The following PRIMPOL variants were observed in gnomAD, a reference collection of about 807,000 sequenced individuals.
PRIMPOL encodes primase and DNA directed polymerase, also known as DNA-directed primase/polymerase protein.
PRIMPOL carries 54 observed loss-of-function variants against 63.6 expected under a neutral mutation model. The ratio of observed to expected loss-of-function variants is 0.85; its 90% CI spans 0.68 to 1.07. The LOEUF (loss-of-function observed/expected upper bound fraction) is 1.07, where lower values mean the gene tolerates loss of function less well. PRIMPOL is among the 50% of genes least tolerant of loss of function. The pLI is 0.00. For synonymous variants in PRIMPOL, 197 were observed against 220.2 expected, an observed-to-expected ratio of 0.89 and a Z score of 0.93; for missense variants, 610 against 648.3, an observed-to-expected ratio of 0.94 and a Z score of 0.64.
rs1426310127 is a variant in PRIMPOL, at chr4:184,694,793, A to T, written c.*14A>T. ...TTACAAGAGTAACTAATTCACTATGAACACTTTTGTCACCAGGCTATAATT... is the reference window on the plus strand; with the variant it reads ...TTACAAGAGTAACTAATTCACTATGTACACTTTTGTCACCAGGCTATAATT... On this transcript the variant is annotated 3_prime_UTR_variant, in exon 14 of 14. Coordinates refer to ENST00000314970, the MANE Select transcript of PRIMPOL (RefSeq NM_152683.4). The T allele has an allele frequency of 1.6e-5, 25 of 1,593,106 alleles. No homozygotes were observed. Among genetic ancestry groups the T allele is most frequent in the Non-Finnish European group, 2.1e-5 (25 of 1,162,810 alleles).
intron 11 of PRIMPOL, among the ~76,000 whole-genome samples, chr4:184,687,654 GC>G (rs1561080623): frequency 6.6e-6 from 1 of 151,986 alleles, no homozygotes; most frequent in Non-Finnish European, 1.5e-5. Context: ...TGCTCTTGTC[GC>G]CCAGGCTGGG....
intron 7 of PRIMPOL, among the ~76,000 whole-genome samples, chr4:184,675,165 G>A (rs77466133): frequency 1.2e-4 from 19 of 152,236 alleles, no homozygotes; most frequent in African/African-American, 4.6e-4. Context: ...AAGAGGAGGC[G>A]GCTAAGAACT....
At chr4:184,684,859 A>G (rs1756600063) in intron 9 of PRIMPOL, among the ~76,000 whole-genome samples, 1 of 152,166 alleles carries the variant, frequency 6.6e-6, no homozygotes, top group African/African-American at 2.4e-5. Context: ...TAAAAAAAAC[A>G]AACAAAAAAA....
intron 6 of PRIMPOL, among the ~76,000 whole-genome samples, chr4:184,667,577 T>A (rs1750414631): frequency 6.6e-6 from 1 of 152,206 alleles, no homozygotes; most frequent in South Asian, 2.1e-4. Context: ...CCCAAAGTGC[T>A]GGGATTACAG....
At chr4:184,667,393 C>T (rs1213604455) in intron 6 of PRIMPOL, among the ~76,000 whole-genome samples, 3 of 151,938 alleles carry the variant, frequency 2.0e-5, no homozygotes, top group Non-Finnish European at 4.4e-5. Flanking sequence ...TCACTGCAAC[C>T]TCCGCCTCCC....
At chr4:184,652,823 T>G in intron 2 of PRIMPOL, among the ~76,000 whole-genome samples, 2 of 146,354 alleles carry the variant, frequency 1.4e-5, no homozygotes. Flanking sequence ...AGTTGGGGAA[T>G]AGGAATTGAC....
chr4:184,681,934 A>C (rs894249840), intron 8 of PRIMPOL, among the ~76,000 whole-genome samples: 1 of 152,236 alleles, frequency 6.6e-6, no homozygotes, highest in Non-Finnish European at 1.5e-5. Flanking sequence ...TCTGCAGATA[A>C]GAAACCATGG....
chr4:184,688,963 T>C (rs1372840738), intron 11 of PRIMPOL, among the ~76,000 whole-genome samples: 2 of 152,156 alleles, frequency 1.3e-5, no homozygotes, highest in African/African-American at 2.4e-5. Context: ...AGTAGCAGTT[T>C]GAATAATAGT....
intron 7 of PRIMPOL, among the ~76,000 whole-genome samples, chr4:184,677,660 C>T (rs768148821): frequency 3.3e-5 from 5 of 152,030 alleles, no homozygotes; most frequent in Non-Finnish European, 5.9e-5. Context: ...GTCAGTTTGC[C>T]GGTTTACACA....
chr4:184,692,146 A>G (rs1249290976), intron 13 of PRIMPOL, among the ~76,000 whole-genome samples: 1 of 152,142 alleles, frequency 6.6e-6, no homozygotes, highest in Non-Finnish European at 1.5e-5. Flanking sequence ...TATTTACCCA[A>G]ATAATTAACG....
At chr4:184,684,033 C>T (rs1383120694) in intron 9 of PRIMPOL, among the ~76,000 whole-genome samples, 2 of 152,088 alleles carry the variant, frequency 1.3e-5, no homozygotes, top group African/African-American at 4.8e-5. Flanking sequence ...TATTTATAGA[C>T]ATTGATTTAG....
chr4:184,693,796 C>T (rs566726621), intron 13 of PRIMPOL, among the ~76,000 whole-genome samples: 7 of 152,132 alleles, frequency 4.6e-5, no homozygotes, highest in African/African-American at 1.7e-4. Flanking sequence ...CATCAAAACC[C>T]TTCATCTAAT....
At chr4:184,667,756 C>T (rs1247526715) in intron 6 of PRIMPOL, among the ~76,000 whole-genome samples, 1 of 152,222 alleles carries the variant, frequency 6.6e-6, no homozygotes, top group Non-Finnish European at 1.5e-5. Context: ...GGTTAACAAT[C>T]TTTCCAGACA....
intron 13 of PRIMPOL, chr4:184,694,065 T>C (rs1192167155): frequency 5.4e-6 from 1 of 186,490 alleles, no homozygotes; most frequent in African/African-American, 2.4e-5. Flanking sequence ...TACTATTATG[T>C]AATATACAAT....
In PRIMPOL at chr4:184,666,207, C is replaced by T. The variant is rs113573251; in HGVS notation, c.556+143C>T. 4,901 of 594,462 alleles carry T rather than the reference C, an allele frequency of 8.2e-3. 37 individuals are homozygous for T. Among genetic ancestry groups the T allele is most frequent in the Middle Eastern group, 0.015 (32 of 2,168 alleles). 36.8% of individuals were successfully genotyped at this position (594,462 alleles called of 1,614,324 possible). On this transcript the variant is annotated intron_variant, in intron 6 of 13. Transcript: ENST00000314970. ...ATGCGATGTAGGCTGAGTGCAGTGG[C>T]TCACACCTGCAATTCTAGCACTTGG...
intron 8 of PRIMPOL, among the ~76,000 whole-genome samples, chr4:184,680,805 C>A (rs1271476554): frequency 2.0e-5 from 3 of 152,070 alleles, no homozygotes; most frequent in African/African-American, 4.8e-5. Flanking sequence ...CCCATGACAT[C>A]TGCTCAGTGA....
At chr4:184,691,235 GTAT>G in intron 11 of PRIMPOL, 1 of 328,748 alleles carries the variant, frequency 3.0e-6, no homozygotes, top group Non-Finnish European at 5.5e-6. Flanking sequence ...TTTTGCAGCT[GTAT>G]TATTTGGTGA....
intron 6 of PRIMPOL, among the ~76,000 whole-genome samples, chr4:184,666,838 A>G (rs1750041553): frequency 6.6e-6 from 1 of 152,224 alleles, no homozygotes; most frequent in African/African-American, 2.4e-5. Flanking sequence ...CTGAAAGTGA[A>G]ACCAGATTAT....
In PRIMPOL at chr4:184,672,404, T is replaced by G; in HGVS notation, c.788T>G (p.Leu263Arg). ...TCAGCTGAGCAAAGCAGTCCTGACC[T>G]TTCATTTCTAGTTGTGAAGAATAAC... is the stretch of plus-strand genomic sequence containing the variant. ...LGSAEQSSPD[L>R]SFLVVKNNMG... is the part of the protein sequence containing the mutation. Residue 263 changes from leucine to arginine, a missense_variant, in exon 7 of 14, where the codon CTT becomes CGT. Physicochemically the swap from Leu to Arg is moderately radical, Grantham distance 102. This residue lies in a region of PRIMPOL where 444 missense variants were observed against 456.4 expected (regional missense o/e 0.97). Transcript: ENST00000314970. 6.2e-7 allele frequency: 1 copy of G among 1,612,704 alleles called. No homozygotes were observed.
Sources: allele counts gnomAD v4.1 joint callset (sites outside exome capture counted in the v4.1 genomes callset), GRCh38; gene constraint gnomAD v4.1.1; regional missense constraint gnomAD v4.1.1; transcripts MANE v1.5; gene names NCBI Gene and HGNC (gene_info 2026-07-23, HGNC 2026-07-21).